CCL15: variants seen among roughly 807,000 people sequenced by gnomAD.
CCL15 encodes the protein C-C motif chemokine ligand 15.
A neutral mutation model predicts 10.6 loss-of-function variants in CCL15; 8 were observed. The ratio of observed to expected loss-of-function variants is 0.75; its 90% CI spans 0.44 to 1.36. CCL15 has a LOEUF of 1.36. Ranked by LOEUF, CCL15 falls within the 40% of genes most tolerant of loss-of-function variation. CCL15 has a pLI of 0.00. For missense variants in CCL15, 128 were observed against 136.6 expected (o/e 0.94, Z 0.32); for synonymous variants, 51 against 48.8 (o/e 1.04, Z -0.19).
intron 2 of CCL15, among the ~76,000 whole-genome samples, 182 bp downstream of exon 2, chr17:35,998,684 G>A (rs899092614): frequency 2.6e-5 from 4 of 152,222 alleles, no homozygotes; most frequent in Non-Finnish European, 5.9e-5. Context: ...CAGCCAGAGG[G>A]GAACAGAGAA....
intron 1 of CCL15, among the ~76,000 whole-genome samples, chr17:35,999,161 C>A (rs978169935): frequency 2.0e-5 from 3 of 152,150 alleles, no homozygotes; most frequent in Non-Finnish European, 4.4e-5. Context: ...CTCTGAAATA[C>A]TAAAAGCAAC....
In CCL15 at chr17:35,999,912, G is replaced by A. The variant is rs56991066; in HGVS notation, c.77-987C>T. On this transcript the variant is annotated intron_variant, in intron 1 of 3. Coordinates refer to ENST00000617897, the MANE Select transcript of CCL15 (RefSeq NM_032965.6). The stretch of plus-strand genomic sequence containing the variant: ...CAGGCCTGTAATCCCAGCACTTTGG[G>A]AGGCCGAGGTGGGCAGATAACGAGA... Among the ~76,000 whole-genome samples, 1,374 of 152,068 alleles carry A rather than the reference G, an allele frequency of 9.0e-3. 24 individuals are homozygous for A. The highest frequency in any genetic ancestry group is 0.032 in the African/African-American group (1,317 of 41,474).
intron 1 of CCL15, 145 bp from the exon 2 acceptor site, chr17:35,999,070 C>T (rs1020087030): frequency 4.5e-6 from 3 of 665,874 alleles, no homozygotes; most frequent in Non-Finnish European, 8.1e-6. Flanking sequence ...CTAGGCCTGC[C>T]TCCTGGCCCA....
chr17:36,000,489 T>G (rs2142014835), intron 1 of CCL15, among the ~76,000 whole-genome samples: 1 of 150,336 alleles, frequency 6.7e-6, no homozygotes, highest in Non-Finnish European at 1.5e-5. Flanking sequence ...AAAAAAATCT[T>G]GACAGCTCGG....
intron 1 of CCL15, 22 bp downstream of exon 1, chr17:36,001,395 G>C (rs1265612973): frequency 6.2e-7 from 1 of 1,613,806 alleles, no homozygotes; most frequent in African/African-American, 1.3e-5. Context: ...TGGTCACCTG[G>C]GAGAAAGCTC....
Position 35,997,813 on chromosome 17 carries a change from G to A in CCL15, c.296C>T (p.Pro99Leu), listed in dbSNP as rs150213949. The change falls in exon 4 of 4, where the codon CCG becomes CTG. Residue 99 changes from proline to leucine, a missense_variant. Pro to Leu is a moderately conservative substitution (Grantham distance 98). Transcript: ENST00000617897. ...CTTTTTCATGCAATCCTGAACTCCCGGACCACTGGGTTTGGCACAGACTTG... is the reference window on the plus strand; with the variant it reads ...CTTTTTCATGCAATCCTGAACTCCCAGACCACTGGGTTTGGCACAGACTTG... ...GRQVCAKPSG[P>L]GVQDCMKKLK... The A allele has an allele frequency of 3.8e-4, 617 of 1,613,864 alleles. 3 individuals are homozygous for A. The East Asian group carries it at 8.4e-3, about 22-fold the overall frequency.
intron 1 of CCL15, 133 bp downstream of exon 1, chr17:36,001,284 C>G (rs1436665559): frequency 1.5e-5 from 18 of 1,193,320 alleles, no homozygotes; most frequent in Non-Finnish European, 2.2e-5. Flanking sequence ...AGAGCCAGGT[C>G]TATACCCTGC....
Position 35,998,204 on chromosome 17 carries a change from C to G in CCL15, c.248+76G>C, listed in dbSNP as rs1016036284. 1.8e-5 allele frequency: 17 copies of G among 933,466 alleles called. No individual in the cohort carries two copies. The African/African-American group carries it at 2.3e-4, about 12-fold the overall frequency. The allele number at this position is 933,466 out of a possible 1,614,324, so 57.8% of individuals were successfully genotyped here. A position where few individuals can be genotyped will look rare whatever the true frequency, so the allele number is the denominator to read the frequency against. On this transcript the variant is annotated intron_variant, in intron 3 of 3. Transcript: ENST00000617897. ...CAGAGGGTGGAACCCGATGGACGCC[C>G]ATCCGTCGTGTCCTCCCTGCAAGAT...
intron 1 of CCL15, among the ~76,000 whole-genome samples, chr17:36,000,538 A>C (rs867761561): frequency 4.7e-4 from 71 of 151,860 alleles, no homozygotes; most frequent in Middle Eastern, 3.4e-3. Flanking sequence ...ATTCATAGAG[A>C]TAGCTAAGGG....
In CCL15 at chr17:35,997,738, G is replaced by A. The variant is rs749469101; in HGVS notation, c.*29C>T. 1 of 1,393,870 alleles carries A rather than the reference G, an allele frequency of 7.2e-7. No homozygotes were observed. The highest frequency in any genetic ancestry group is 1.2e-5 in the South Asian group (1 of 86,530). 86.3% of individuals were successfully genotyped at this position (1,393,870 alleles called of 1,614,324 possible). On this transcript the variant is annotated 3_prime_UTR_variant, in exon 4 of 4. Transcript: ENST00000617897. Reference sequence around the variant, plus strand: ...AAACTCACAGGAGGTGTTGGAGGTGGGTGGCTGGCCTCTTTTGTCTCTTTA... The same window carrying A: ...AAACTCACAGGAGGTGTTGGAGGTGAGTGGCTGGCCTCTTTTGTCTCTTTA...
intron 1 of CCL15, 71 bp from the exon 2 acceptor site, chr17:35,998,996 A>T: frequency 8.0e-7 from 1 of 1,250,392 alleles, no homozygotes; most frequent in Non-Finnish European, 1.2e-6. Flanking sequence ...CACCCACCCC[A>T]TTGCTCATCC....
At chr17:35,999,127 G>A (rs1177590476) in intron 1 of CCL15, among the ~76,000 whole-genome samples, 1 of 152,170 alleles carries the variant, frequency 6.6e-6, no homozygotes, top group Non-Finnish European at 1.5e-5. Context: ...TTTTGAAAAT[G>A]TAGACATGAA....
At chr17:35,998,065 G>A (rs934314947) in intron 3 of CCL15, among the ~76,000 whole-genome samples, 5 of 152,192 alleles carry the variant, frequency 3.3e-5, no homozygotes, top group African/African-American at 1.2e-4. Context: ...TCCTTGGGAA[G>A]CCTTGTGCTT....
In CCL15 at chr17:36,001,452, A is replaced by G; in HGVS notation, c.41T>C (p.Val14Ala). 1 of 1,614,126 alleles carries G rather than the reference A, an allele frequency of 6.2e-7. No individual in the cohort carries two copies. The highest frequency in any genetic ancestry group is 1.1e-5 in the South Asian group (1 of 91,080). ...SVAALSCLML[V>A]AVLGSQAQFT... is the part of the protein sequence containing the mutation. ...CTGGGCCTGGGATCCAAGGACAGCAACAAGCATGAGGCAGGAGAGGGCAGC... is the reference window on the plus strand; with the variant it reads ...CTGGGCCTGGGATCCAAGGACAGCAGCAAGCATGAGGCAGGAGAGGGCAGC... Residue 14 changes from valine to alanine, a missense_variant, in exon 1 of 4, where the codon GTT (valine) becomes GCT (alanine). Coordinates refer to ENST00000617897, the MANE Select transcript of CCL15 (RefSeq NM_032965.6).
In CCL15 at chr17:35,998,161, C is replaced by T. The variant is rs145904964; in HGVS notation, c.248+119G>A. On this transcript the variant is annotated intron_variant, in intron 3 of 3. Coordinates refer to ENST00000617897, the MANE Select transcript of CCL15 (RefSeq NM_032965.6). ...AGAATCCTCGTAAGGACACAGCTGC[C>T]CTGTATCTGGCAGGATCCAGAGGGT... 1,918 of 686,720 alleles carry T rather than the reference C, an allele frequency of 2.8e-3. 5 individuals carry two copies. The highest frequency in any genetic ancestry group is 0.019 in the African/African-American group (1,056 of 56,142). 42.5% of individuals were successfully genotyped at this position (686,720 alleles called of 1,614,324 possible).
Position 35,998,383 on chromosome 17 carries a change from A to G in CCL15, c.145T>C (p.Phe49Leu). The G allele has an allele frequency of 6.2e-7, 1 of 1,612,274 alleles. No individual in the cohort carries two copies. The highest frequency in any genetic ancestry group is 8.5e-7 in the Non-Finnish European group (1 of 1,178,436). ...ENPVVLNSFH[F>L]AADCCTSYIS... Reference sequence around the variant, plus strand: ...TAGGAGGTGCAGCAGTCAGCAGCAAAGTGAAAGCCTGCAGCAAGAGAAAGC... The same window carrying G: ...TAGGAGGTGCAGCAGTCAGCAGCAAGGTGAAAGCCTGCAGCAAGAGAAAGC... The change falls in exon 3 of 4, where the codon TTT becomes CTT. Residue 49 changes from phenylalanine (F) to leucine (L), a missense_variant. Coordinates refer to ENST00000617897, the MANE Select transcript of CCL15 (RefSeq NM_032965.6).
intron 1 of CCL15, 105 bp downstream of exon 1, chr17:36,001,312 G>A: frequency 1.4e-6 from 2 of 1,444,096 alleles, no homozygotes; most frequent in South Asian, 2.5e-5. Context: ...TTTTAAATAA[G>A]TTCCATAACC....
chr17:35,998,325 T>C lies in CCL15; in HGVS notation c.203A>G (p.Lys68Arg), dbSNP rs567687330. 3.1e-6 allele frequency: 5 copies of C among 1,614,186 alleles called. No individual in the cohort carries two copies. The East Asian group carries it at 8.9e-5, about 29-fold the overall frequency. The change falls in exon 3 of 4, where the codon AAA (lysine) becomes AGA (arginine). Residue 68 changes from lysine to arginine, a missense_variant. Lys to Arg is a conservative substitution (Grantham distance 26). Transcript: ENST00000617897. ...CTCGCTGCTCGTTTCAAAATAACTT[T>C]TCATGAGTGAACACGGGATGCTTTG... ...ISQSIPCSLMKSYFETSSECS... is the reference protein window; with the variant it reads ...ISQSIPCSLMRSYFETSSECS...
intron 1 of CCL15, among the ~76,000 whole-genome samples, chr17:35,999,469 T>A (rs2142012917): frequency 6.6e-6 from 1 of 152,180 alleles, no homozygotes; most frequent in East Asian, 1.9e-4. Context: ...TACTTTTTTT[T>A]TTTTTTTTAA....
Sources: allele counts gnomAD v4.1 joint callset (sites outside exome capture counted in the v4.1 genomes callset), GRCh38; gene constraint gnomAD v4.1.1; transcripts MANE v1.5; gene names NCBI Gene and HGNC (gene_info 2026-07-23, HGNC 2026-07-21).